ANKS1B: variants seen among roughly 807,000 people sequenced by gnomAD.
The protein encoded by ANKS1B is ankyrin repeat and sterile alpha motif domain containing 1B.
A neutral mutation model predicts 148.3 loss-of-function variants in ANKS1B; 36 were observed. The ratio of observed to expected loss-of-function variants is 0.24; its 90% CI spans 0.19 to 0.32. The LOEUF (loss-of-function observed/expected upper bound fraction) is 0.32. Ranked by LOEUF, ANKS1B falls within the 10% of genes least tolerant of loss-of-function variation. ANKS1B has a pLI of 1.00. For missense variants in ANKS1B, 1,157 were observed against 1,542.6 expected (o/e 0.75, Z 4.19); for synonymous variants, 542 against 560.8 (o/e 0.97, Z 0.47).
At chr12:99,092,568 A>C (rs140404309) in intron 15 of ANKS1B, among the ~76,000 whole-genome samples, 313 of 151,888 alleles carry the variant, frequency 2.1e-3, no homozygotes, top group Middle Eastern at 6.8e-3. Flanking sequence ...AACGTTTCCC[A>C]GTGCCTCACA....
intron 12 of ANKS1B, among the ~76,000 whole-genome samples, chr12:99,396,804 T>C (rs1168014623): frequency 2.6e-5 from 4 of 152,134 alleles, no homozygotes; most frequent in Admixed American, 2.6e-4. Context: ...AAAAATTTGT[T>C]GAAAACCGAT....
chr12:99,668,444 G>T (rs550754309), intron 8 of ANKS1B, among the ~76,000 whole-genome samples: 1 of 151,386 alleles, frequency 6.6e-6, no homozygotes, highest in Non-Finnish European at 1.5e-5. Flanking sequence ...GGAAGCTTAG[G>T]TCTTTCATTT....
intron 17 of ANKS1B, among the ~76,000 whole-genome samples, chr12:98,879,835 C>A (rs1361197052): frequency 1.3e-5 from 2 of 152,186 alleles, no homozygotes; most frequent in African/African-American, 2.4e-5. Context: ...GACACACACA[C>A]ATGCACACAT....
intron 9 of ANKS1B, among the ~76,000 whole-genome samples, chr12:99,520,817 A>G (rs1334639780): frequency 6.6e-6 from 1 of 151,756 alleles, no homozygotes; most frequent in Non-Finnish European, 1.5e-5. Context: ...TTTTCTTGAG[A>G]TGGAGTTTCG....
At chr12:99,771,185 T>A (rs1283414174) in intron 8 of ANKS1B, among the ~76,000 whole-genome samples, 1 of 152,118 alleles carries the variant, frequency 6.6e-6, no homozygotes, top group African/African-American at 2.4e-5. Context: ...AATTAGAGCT[T>A]CTGTTTTACA....
intron 9 of ANKS1B, among the ~76,000 whole-genome samples, chr12:99,653,487 T>C (rs2153441539): frequency 6.6e-6 from 1 of 152,282 alleles, no homozygotes; most frequent in Non-Finnish European, 1.5e-5. Flanking sequence ...TTCTTTCCCT[T>C]TACCCATGTA....
chr12:98,839,767 A>G (rs2099395419), intron 17 of ANKS1B, among the ~76,000 whole-genome samples: 1 of 152,054 alleles, frequency 6.6e-6, no homozygotes, highest in South Asian at 2.1e-4. Flanking sequence ...CTGGATTTTC[A>G]TTAGAATCTC....
intron 17 of ANKS1B, among the ~76,000 whole-genome samples, chr12:98,887,435 T>C (rs2099742627): frequency 6.6e-6 from 1 of 152,128 alleles, no homozygotes; most frequent in African/African-American, 2.4e-5. Context: ...GCCCCCAAAT[T>C]ATATAACCTT....
At chr12:99,598,968 C>A (rs1413614732) in intron 9 of ANKS1B, among the ~76,000 whole-genome samples, 1 of 151,992 alleles carries the variant, frequency 6.6e-6, no homozygotes, top group Non-Finnish European at 1.5e-5. Flanking sequence ...AATTTCATTC[C>A]TTGCCTTTTT....
At chr12:99,432,397 T>C (rs1280476099) in intron 11 of ANKS1B, among the ~76,000 whole-genome samples, 3 of 152,182 alleles carry the variant, frequency 2.0e-5, no homozygotes, top group Non-Finnish European at 4.4e-5. Context: ...TGGTACTTAT[T>C]GACAGCCAGT....
At chr12:99,932,905 T>C (rs2094660107) in intron 1 of ANKS1B, among the ~76,000 whole-genome samples, 1 of 152,176 alleles carries the variant, frequency 6.6e-6, no homozygotes, top group Non-Finnish European at 1.5e-5. Context: ...TCTGGGGTCT[T>C]AAAGTCTTTA....
chr12:98,751,520 A>C lies in ANKS1B; in HGVS notation c.3582T>G (p.Asn1194Lys), dbSNP rs1190062427. The C allele has an allele frequency of 3.1e-6, 5 of 1,613,222 alleles. No homozygotes were observed. The highest frequency in any genetic ancestry group is 4.2e-6 in the Non-Finnish European group (5 of 1,179,702). The change falls in exon 26 of 27, where the codon AAT (asparagine) becomes AAG (lysine). Residue 1194 changes from asparagine to lysine, a missense_variant and splice_region_variant. Coordinates refer to ENST00000683438, the MANE Select transcript of ANKS1B (RefSeq NM_001352186.2). This position sits in a 1 kb window ranked among gnomAD's most constrained non-coding sequence, Gnocchi z 4.3. ...YCHVFTAFDVNLAYEIILTLG... is the reference protein window; with the variant it reads ...YCHVFTAFDVKLAYEIILTLG... ...GGGTTAGGATGATTTCATAGGCTAAATTCTGCAAGAAAAATGAGAAAGCAT... is the reference window on the plus strand; with the variant it reads ...GGGTTAGGATGATTTCATAGGCTAACTTCTGCAAGAAAAATGAGAAAGCAT...
chr12:99,899,700 T>C (rs2093517658), intron 1 of ANKS1B, among the ~76,000 whole-genome samples: 2 of 152,106 alleles, frequency 1.3e-5, no homozygotes. Context: ...TTGTAGACAA[T>C]ACAAAGCAGC....
At chr12:99,897,914 T>C (rs1422957839) in intron 1 of ANKS1B, among the ~76,000 whole-genome samples, 2 of 144,402 alleles carry the variant, frequency 1.4e-5, no homozygotes, top group Non-Finnish European at 3.1e-5. Flanking sequence ...AAATGCAGAG[T>C]TCTTAGAAGA....
At chr12:99,742,730 C>T (rs182408875) in intron 8 of ANKS1B, among the ~76,000 whole-genome samples, 28 of 150,988 alleles carry the variant, frequency 1.9e-4, no homozygotes, top group African/African-American at 6.3e-4. Context: ...CCCAGCTACT[C>T]AGGAGGCTGA....
chr12:99,876,989 C>A (rs754502841), intron 1 of ANKS1B, among the ~76,000 whole-genome samples: 29 of 152,214 alleles, frequency 1.9e-4, no homozygotes, highest in Admixed American at 3.9e-4. Context: ...ATTGGTTTAG[C>A]TGCTGCTTCT....
At chr12:99,397,730 C>T (rs73372083) in intron 12 of ANKS1B, among the ~76,000 whole-genome samples, 12,035 of 152,106 alleles carry the variant, frequency 0.079, 1,431 homozygotes, top group African/African-American at 0.26. Context: ...AATTGATATA[C>T]ATAAAATGCC....
intron 9 of ANKS1B, among the ~76,000 whole-genome samples, chr12:99,540,039 T>C (rs998711932): frequency 1.3e-5 from 2 of 152,106 alleles, no homozygotes; most frequent in Non-Finnish European, 1.5e-5. Flanking sequence ...CAAATAGACT[T>C]TGAGACAAAA....
At chr12:99,459,361 C>G (rs938099679) in intron 10 of ANKS1B, among the ~76,000 whole-genome samples, 2 of 152,004 alleles carry the variant, frequency 1.3e-5, no homozygotes, top group Non-Finnish European at 2.9e-5. Flanking sequence ...GACAAGGATG[C>G]CCACTTTCAC....
Sources: gnomAD v4.1 joint callset for allele counts (sites outside exome capture counted in the v4.1 genomes callset) on GRCh38, gnomAD v4.1.1 for gene constraint, Gnocchi (gnomAD v3.1) non-coding constraint, MANE v1.5 for transcripts, NCBI Gene and HGNC (gene_info 2026-07-23, HGNC 2026-07-21) for gene names.